The following VPS8 variants were observed in gnomAD, a reference collection of about 807,000 sequenced individuals.
The protein encoded by VPS8 is vacuolar protein sorting-associated protein 8 homolog.
Under a neutral mutation model 216.4 loss-of-function variants are expected in VPS8, and 129 were observed. That is an observed-to-expected ratio of 0.60 (90% CI 0.52 to 0.69). The LOEUF (loss-of-function observed/expected upper bound fraction) is 0.69, where lower values mean the gene tolerates loss of function less well. Ranked by LOEUF, VPS8 falls within the 30% of genes least tolerant of loss-of-function variation. The pLI is 0.00. For missense variants in VPS8, 1,531 were observed against 1,683.5 expected, an observed-to-expected ratio of 0.91 and a Z score of 1.59; for synonymous variants, 571 against 565.4, an observed-to-expected ratio of 1.01 and a Z score of -0.14.
At chr3:184,960,125 G>C (rs915435556) in intron 37 of VPS8, among the ~76,000 whole-genome samples, 2 of 152,136 alleles carry the variant, frequency 1.3e-5, no homozygotes, top group African/African-American at 4.8e-5. Context: ...TGCTGAGAAT[G>C]ATGGTTTCCA....
chr3:184,854,233 G>A, intron 13 of VPS8, 60 bp downstream of exon 13: 5 of 1,574,778 alleles, frequency 3.2e-6, no homozygotes, highest in Non-Finnish European at 4.4e-6. Context: ...GGTTGAGAGA[G>A]ATGGCTTGCA....
Position 184,970,865 on chromosome 3 carries a change from G to T in VPS8, c.3317-784G>T, listed in dbSNP as rs117162566. On this transcript the variant is annotated intron_variant, in intron 39 of 47. Transcript: ENST00000625842. ...AGTAGCATAGACGAGGTGATGAAAAGCTCCACCAGGGTAAAAGTTGTGGTC... is the reference window on the plus strand; with the variant it reads ...AGTAGCATAGACGAGGTGATGAAAATCTCCACCAGGGTAAAAGTTGTGGTC... Among the ~76,000 whole-genome samples, 69 of 152,296 alleles carry T rather than the reference G, an allele frequency of 4.5e-4. No homozygotes were observed. In the East Asian group the frequency reaches 0.013, roughly 29 times the overall value.
At chr3:184,877,103 C>T (rs950830867) in intron 21 of VPS8, among the ~76,000 whole-genome samples, 6 of 152,162 alleles carry the variant, frequency 3.9e-5, no homozygotes, top group African/African-American at 1.4e-4. Flanking sequence ...TACCCAGAGC[C>T]TTTGTGCACA....
chr3:184,855,930 T>A (rs1384981928), intron 14 of VPS8, 112 bp downstream of exon 14: 5 of 790,022 alleles, frequency 6.3e-6, no homozygotes, highest in Non-Finnish European at 9.8e-6. Flanking sequence ...GGAGAGAGAG[T>A]GACCTATTTA....
chr3:184,900,357 G>A (rs553412729), intron 24 of VPS8, among the ~76,000 whole-genome samples: 33 of 152,344 alleles, frequency 2.2e-4, no homozygotes, highest in East Asian at 5.8e-4. Flanking sequence ...GGGGTAGCAC[G>A]TAGTTAGGTC....
At chr3:184,938,963 G>C (rs541930961) in intron 35 of VPS8, among the ~76,000 whole-genome samples, 89 of 150,314 alleles carry the variant, frequency 5.9e-4, no homozygotes, top group Middle Eastern at 6.9e-3. Flanking sequence ...CCAGGAGGTT[G>C]AGGCCGCAGT....
At chr3:184,944,483 T>C in intron 36 of VPS8, 4 of 985,322 alleles carry the variant, frequency 4.1e-6, no homozygotes, top group Non-Finnish European at 4.8e-6. Flanking sequence ...CTGATGTGCT[T>C]ACACCCAGCT....
chr3:184,860,082 T>G lies in VPS8; in HGVS notation c.1224+17T>G. 1 of 1,564,416 alleles carries G rather than the reference T, an allele frequency of 6.4e-7. No individual in the cohort carries two copies. The highest frequency in any genetic ancestry group is 8.8e-7 in the Non-Finnish European group (1 of 1,138,002). ...AACTTTACCGTGAGTATTATTCAAA[T>G]TAAATATCCCCATTTAGTTCATGTA... On this transcript the variant is annotated intron_variant, in intron 15 of 47. Transcript: ENST00000625842.
intron 15 of VPS8, among the ~76,000 whole-genome samples, chr3:184,860,429 ATG>A (rs1577943271): frequency 1.3e-5 from 2 of 148,726 alleles, no homozygotes; most frequent in Non-Finnish European, 3.0e-5. Flanking sequence ...ATATGTATAT[ATG>A]TGTGTATATA....
intron 15 of VPS8, among the ~76,000 whole-genome samples, chr3:184,860,377 A>ATATATACGTATATATATGTATGTATACG (rs1726073471): frequency 6.6e-6 from 1 of 151,202 alleles, no homozygotes; most frequent in Non-Finnish European, 1.5e-5. Context: ...GTGTGTGTAT[A>ATATATACGTATATATATGTATGTATACG]TATATACGTA....
chr3:184,990,740 C>T (rs565155947), intron 42 of VPS8, among the ~76,000 whole-genome samples: 2 of 152,292 alleles, frequency 1.3e-5, no homozygotes, highest in East Asian at 3.9e-4. Flanking sequence ...CTCATACCCA[C>T]CTCACTGTAT....
intron 1 of VPS8, among the ~76,000 whole-genome samples, chr3:184,821,197 ACT>A (rs575677438): frequency 6.5e-4 from 99 of 152,268 alleles, no homozygotes; most frequent in African/African-American, 2.3e-3. Flanking sequence ...AAGAGCCAGG[ACT>A]CTCAATTTTA....
At position 184,952,273 on chromosome 3, in the gene VPS8, G is replaced by A. The variant is rs146801795; in HGVS notation, c.3036-5101G>A. ...ATTCCTCTGATAATAAGATAAACCA[G>A]TCTGCATTGGTGACGTGTGTGGGGA... is the stretch of plus-strand genomic sequence containing the variant. On this transcript the variant is annotated intron_variant, in intron 36 of 47. Transcript: ENST00000625842. Among the ~76,000 whole-genome samples, 66 of 152,240 alleles carry A rather than the reference G, an allele frequency of 4.3e-4. No individual in the cohort carries two copies. The East Asian group carries it at 0.01, about 24-fold the overall frequency.
intron 25 of VPS8, among the ~76,000 whole-genome samples, chr3:184,909,224 A>G (rs1736052023): frequency 6.6e-6 from 1 of 152,252 alleles, no homozygotes; most frequent in Non-Finnish European, 1.5e-5. Context: ...CAATACATAA[A>G]GTTAAAACTC....
chr3:185,017,317 C>T (rs544980926), intron 45 of VPS8, among the ~76,000 whole-genome samples: 43 of 152,302 alleles, frequency 2.8e-4, no homozygotes, highest in South Asian at 2.3e-3. Flanking sequence ...GAAATGTCTG[C>T]TCCTGTATCT....
rs1031677275 is a variant in VPS8 at position 184,838,831 on chromosome 3, C to T, written c.480+85C>T. ...TATCATTACATTGTTCAAAATACTA[C>T]ATAAGTTGTTATGGTAATAAATTCA... is the stretch of plus-strand genomic sequence containing the variant. On this transcript the variant is annotated intron_variant, in intron 6 of 47. Coordinates refer to ENST00000625842, the MANE Select transcript of VPS8 (RefSeq NM_001009921.3). 3 of 1,067,790 alleles carry T rather than the reference C, an allele frequency of 2.8e-6. No homozygotes were observed. The African/African-American group carries it at 4.9e-5, about 18-fold the overall frequency. The allele number at this position is 1,067,790 out of a possible 1,614,324, so 66.1% of individuals were successfully genotyped here. A position where few individuals can be genotyped will look rare whatever the true frequency, so the allele number is the denominator to read the frequency against.
intron 37 of VPS8, among the ~76,000 whole-genome samples, chr3:184,961,768 T>G (rs1165593824): frequency 1.3e-5 from 2 of 151,976 alleles, no homozygotes; most frequent in African/African-American, 4.8e-5. Flanking sequence ...TTGTTTTTTT[T>G]GTTTTTGTTC....
chr3:184,968,088 C>A (rs1231400843), intron 39 of VPS8, among the ~76,000 whole-genome samples: 1 of 152,094 alleles, frequency 6.6e-6, no homozygotes, highest in Non-Finnish European at 1.5e-5. Flanking sequence ...CTTTTTTCAC[C>A]ATTCTTTTTC....
At chr3:184,955,372 G>A (rs1457274086) in intron 36 of VPS8, among the ~76,000 whole-genome samples, 1 of 152,124 alleles carries the variant, frequency 6.6e-6, no homozygotes, top group Admixed American at 6.5e-5. Context: ...AGAAGAAAAC[G>A]CTGACATATG....
Sources: gnomAD v4.1 joint callset for allele counts (sites outside exome capture counted in the v4.1 genomes callset) on GRCh38, gnomAD v4.1.1 for gene constraint, MANE v1.5 for transcripts, NCBI Gene and HGNC (gene_info 2026-07-23, HGNC 2026-07-21) for gene names.